PDXDC1: variants seen among roughly 807,000 people sequenced by gnomAD.
PDXDC1 encodes the protein pyridoxal-dependent decarboxylase domain-containing protein 1.
A neutral mutation model predicts 100.1 loss-of-function variants in PDXDC1; 42 were observed. The ratio of observed to expected loss-of-function variants is 0.42; its 90% CI spans 0.33 to 0.54. The LOEUF is 0.54. Ranked by LOEUF, PDXDC1 falls within the 20% of genes least tolerant of loss-of-function variation. The pLI, the probability that PDXDC1 is intolerant of heterozygous loss-of-function variation, is 0.10. For missense variants in PDXDC1, 636 were observed against 979.2 expected, an observed-to-expected ratio of 0.65 and a Z score of 4.68; for synonymous variants, 260 against 371.7, an observed-to-expected ratio of 0.70 and a Z score of 3.46.
downstream of PDXDC1, among the ~76,000 whole-genome samples, chr16:15,144,029 C>T (rs1281903335): frequency 2.0e-5 from 3 of 152,296 alleles, no homozygotes; most frequent in South Asian, 2.1e-4. Flanking sequence ...GCTCCTCCCT[C>T]GGCAGGGGCA....
downstream of PDXDC1, chr16:15,040,384 AG>A: frequency 3.3e-6 from 1 of 305,664 alleles, no homozygotes; most frequent in Middle Eastern, 8.8e-4. Context: ...GTGTACGGCC[AG>A]GGGTGGCTGG....
intron 1 of PDXDC1, 148 bp downstream of exon 1, chr16:14,975,368 G>C: frequency 7.5e-7 from 1 of 1,325,822 alleles, no homozygotes; most frequent in Admixed American, 4.0e-5. Flanking sequence ...CTCGCCGGGA[G>C]GGCGGCTGGG....
At chr16:15,127,298 C>T in intron 16 of PDXDC1, 2 of 623,212 alleles carry the variant, frequency 3.2e-6, no homozygotes, top group Non-Finnish European at 5.9e-6. Flanking sequence ...AGTCTTCTCT[C>T]TTTCTCCCTG....
downstream of PDXDC1, among the ~76,000 whole-genome samples, chr16:15,140,143 A>G (rs1315370591): frequency 2.0e-5 from 3 of 149,660 alleles, no homozygotes; most frequent in Non-Finnish European, 4.5e-5. Context: ...GAGAGAGAGA[A>G]GAAAAGGAGA....
At chr16:15,005,922 A>G (rs1215755354) in intron 5 of PDXDC1, among the ~76,000 whole-genome samples, 3 of 152,294 alleles carry the variant, frequency 2.0e-5, no homozygotes, top group East Asian at 3.8e-4. Flanking sequence ...ACTCCTGGTC[A>G]GGTGATCCAC....
intron 16 of PDXDC1, among the ~76,000 whole-genome samples, chr16:15,066,233 A>G (rs561957009): frequency 6.6e-6 from 1 of 152,284 alleles, no homozygotes; most frequent in African/African-American, 2.4e-5. Flanking sequence ...ACTATCAGGT[A>G]AAGTTGAAGA....
the PDXDC1 span, among the ~76,000 whole-genome samples, chr16:15,147,493 G>T: frequency 6.6e-6 from 1 of 152,214 alleles, no homozygotes; most frequent in Non-Finnish European, 1.5e-5. Flanking sequence ...GCAGGGCCCG[G>T]CGTGGCCACC....
chr16:15,039,233 T>G (rs2043693290), downstream of PDXDC1, among the ~76,000 whole-genome samples: 1 of 152,192 alleles, frequency 6.6e-6, no homozygotes, highest in Non-Finnish European at 1.5e-5. Context: ...CACTGAAATA[T>G]GTTCTGAATA....
intron 13 of PDXDC1, chr16:15,025,650 C>A (rs1172509993): frequency 6.6e-6 from 1 of 152,382 alleles, no homozygotes; most frequent in Non-Finnish European, 1.5e-5. Flanking sequence ...TTTCCTGTTG[C>A]GGCCCTACCA....
chr16:15,015,449 G>T (rs1333769948), intron 8 of PDXDC1, among the ~76,000 whole-genome samples: 1 of 152,116 alleles, frequency 6.6e-6, no homozygotes, highest in Non-Finnish European at 1.5e-5. Context: ...GGGCACGGTG[G>T]CTCATGCTTA....
intron 16 of PDXDC1, among the ~76,000 whole-genome samples, chr16:15,132,331 G>GGAGGC (rs1174406294): frequency 3.1e-5 from 1 of 32,630 alleles, no homozygotes; most frequent in Non-Finnish European, 6.7e-5. Flanking sequence ...GGAGGGGAGG[G>GGAGGC]GAGGGGGCAG....
intron 16 of PDXDC1, among the ~76,000 whole-genome samples, chr16:15,031,111 T>TC (rs2043033194): frequency 9.6e-6 from 1 of 104,060 alleles, no homozygotes; most frequent in Non-Finnish European, 2.1e-5. Context: ...CCACCACATC[T>TC]ATTTTTTTTT....
At chr16:15,028,735 G>A (rs932676327) in intron 14 of PDXDC1, 143 bp from the exon 15 acceptor site, 3 of 706,402 alleles carry the variant, frequency 4.2e-6, no homozygotes, top group Non-Finnish European at 7.1e-6. Context: ...TAGCCCTTCT[G>A]TCAGATAATA....
At chr16:15,052,792 T>C (rs2044347973) in intron 16 of PDXDC1, among the ~76,000 whole-genome samples, 1 of 151,964 alleles carries the variant, frequency 6.6e-6, no homozygotes, top group South Asian at 2.1e-4. Context: ...GCCATTGCAC[T>C]CCAGCCTGGG....
At chr16:15,123,315 G>C (rs1268301141) in intron 16 of PDXDC1, 22 of 1,397,308 alleles carry the variant, frequency 1.6e-5, no homozygotes, top group South Asian at 3.7e-5. Context: ...ACCCCAACCA[G>C]CTCCCTGTCC....
chr16:15,061,959 T>G, intron 16 of PDXDC1: 1 of 1,511,066 alleles, frequency 6.6e-7, no homozygotes, highest in Non-Finnish European at 9.1e-7. Context: ...CTGAAAAGCT[T>G]TCAACAATTC....
rs373224303 is a variant in PDXDC1 at position 15,000,618 on chromosome 16, A to G, written c.162-1158A>G. The stretch of plus-strand genomic sequence containing the variant: ...GCAAGTTGCCTTGCCATTGCTTGCT[A>G]CTTCAGCCGTTCGAATTCTTTTCGT... On this transcript the variant is annotated intron_variant, in intron 3 of 22. Transcript: ENST00000396410. Among the ~76,000 whole-genome samples, 11 of 152,404 alleles carry G rather than the reference A, an allele frequency of 7.2e-5. No homozygotes were observed. In the East Asian group the frequency reaches 1.5e-3, roughly 21 times the overall value.
At chr16:15,149,473 C>G in the PDXDC1 span, among the ~76,000 whole-genome samples, 1 of 152,216 alleles carries the variant, frequency 6.6e-6, no homozygotes, top group Non-Finnish European at 1.5e-5. Context: ...GGCCAGCCCC[C>G]CAAGGAAGCT....
At chr16:15,147,927 C>A in the PDXDC1 span, among the ~76,000 whole-genome samples, 1 of 151,952 alleles carries the variant, frequency 6.6e-6, no homozygotes, top group Non-Finnish European at 1.5e-5. Context: ...CCTTGTGATC[C>A]CCCCACCTTG....
Sources: gnomAD v4.1 joint callset for allele counts (sites outside exome capture counted in the v4.1 genomes callset) on GRCh38, gnomAD v4.1.1 for gene constraint, MANE v1.5 for transcripts, NCBI Gene and HGNC (gene_info 2026-07-23, HGNC 2026-07-21) for gene names.